Variants in ACOT7 observed in about 807,000 individuals in gnomAD.
The protein encoded by ACOT7 is acyl-CoA thioesterase 7, also known as cytosolic acyl coenzyme A thioester hydrolase.
Under a neutral mutation model 40.2 loss-of-function variants are expected in ACOT7, and 12 were observed. The observed-to-expected ratio is 0.30, with a 90% CI of 0.19 to 0.48. ACOT7 has a LOEUF of 0.48. ACOT7 is among the 20% of genes least tolerant of loss of function. The pLI is 0.99. For synonymous variants in ACOT7, 228 were observed against 219.5 expected (o/e 1.04, Z -0.34); for missense variants, 395 against 530.8 (o/e 0.74, Z 2.51).
intron 8 of ACOT7, among the ~76,000 whole-genome samples, chr1:6,268,366 C>T (rs1638915267): frequency 6.6e-6 from 1 of 152,198 alleles, no homozygotes; most frequent in African/African-American, 2.4e-5. Context: ...TCTTTCTTCT[C>T]TTTACTTTTG....
intron 6 of ACOT7, among the ~76,000 whole-genome samples, chr1:6,317,878 C>G (rs1187787773): frequency 6.6e-6 from 1 of 151,784 alleles, no homozygotes; most frequent in Non-Finnish European, 1.5e-5. Context: ...ACTACAGGCG[C>G]CTGCCACCAC....
rs74435315 is a variant in ACOT7, at chr1:6,275,351, C to G, written c.1014+5751G>C. Reference sequence around the variant, plus strand: ...TCTTCTAGGTCGGGGCACGTCAGAGCGGACAAAGCTCAACAGGGTGCGTTT... The same window carrying G: ...TCTTCTAGGTCGGGGCACGTCAGAGGGGACAAAGCTCAACAGGGTGCGTTT... On this transcript the variant is annotated intron_variant, in intron 8 of 8. Transcript: ENST00000361521. The surrounding 1 kb of genome is among the most constrained non-coding windows in gnomAD (Gnocchi z 5.6). Among the ~76,000 whole-genome samples, 1 of 152,190 alleles carries G rather than the reference C, an allele frequency of 6.6e-6. No homozygotes were observed. The highest frequency in any genetic ancestry group is 2.4e-5 in the African/African-American group (1 of 41,448).
chr1:6,290,240 T>C (rs1304788906), intron 7 of ACOT7, among the ~76,000 whole-genome samples: 1 of 152,214 alleles, frequency 6.6e-6, no homozygotes, highest in Non-Finnish European at 1.5e-5. Context: ...CTTAGACTTC[T>C]GACCTCCAAA....
At chr1:6,334,352 G>A (rs543358325) in intron 3 of ACOT7, among the ~76,000 whole-genome samples, 45 of 152,346 alleles carry the variant, frequency 3.0e-4, no homozygotes, top group Admixed American at 2.4e-3. Flanking sequence ...CCCGCCAAAC[G>A]GGGAAGCCCA....
intron 6 of ACOT7, 162 bp from the exon 7 acceptor site, chr1:6,295,142 A>C: frequency 8.2e-5 from 39 of 477,954 alleles, no homozygotes; most frequent in East Asian, 2.2e-4. Flanking sequence ...GCTGTGGCTC[A>C]CGCGCTACAT....
At chr1:6,305,444 C>T (rs1261381028) in intron 6 of ACOT7, among the ~76,000 whole-genome samples, 20 of 151,638 alleles carry the variant, frequency 1.3e-4, no homozygotes, top group African/African-American at 4.1e-4. Flanking sequence ...GGGTGGCTGC[C>T]GGGTGGAGAC....
Position 6,289,257 on chromosome 1 carries a change from G to A in ACOT7, c.829+5607C>T, listed in dbSNP as rs534626844. 1.8e-4 allele frequency among the ~76,000 whole-genome samples: 27 copies of A among 152,086 alleles called. No individual in the cohort carries two copies. The highest frequency in any genetic ancestry group is 6.5e-4 in the African/African-American group (27 of 41,478). On this transcript the variant is annotated intron_variant, in intron 7 of 8. Coordinates refer to ENST00000361521, the MANE Select transcript of ACOT7 (RefSeq NM_007274.4). This position sits in a 1 kb window ranked among gnomAD's most constrained non-coding sequence, Gnocchi z 4.6. Reference sequence around the variant, plus strand: ...TGGGATTACAGGCGCCTGCCCCCACGCCCGGCTAATTTTTGTATTTTTAGT... The same window carrying A: ...TGGGATTACAGGCGCCTGCCCCCACACCCGGCTAATTTTTGTATTTTTAGT...
intron 6 of ACOT7, among the ~76,000 whole-genome samples, chr1:6,298,998 C>T (rs775623537): frequency 6.6e-6 from 1 of 152,218 alleles, no homozygotes; most frequent in Non-Finnish European, 1.5e-5. Flanking sequence ...AGGCCTGGTG[C>T]GAATCCCCCT....
At chr1:6,393,186 C>T in intron 1 of ACOT7, 71 bp downstream of exon 1, 1 of 1,212,392 alleles carries the variant, frequency 8.2e-7, no homozygotes, top group Non-Finnish European at 1.0e-6. Flanking sequence ...ACCACAGAGC[C>T]AAGCGGGGCA....
intron 2 of ACOT7, among the ~76,000 whole-genome samples, chr1:6,344,518 C>A (rs1333589649): frequency 6.6e-6 from 1 of 152,146 alleles, no homozygotes; most frequent in Non-Finnish European, 1.5e-5. Flanking sequence ...GTAATCCCAG[C>A]ACTTTAGGAG....
intron 8 of ACOT7, among the ~76,000 whole-genome samples, chr1:6,276,073 A>G (rs846102): frequency 0.99 from 150,575 of 152,226 alleles, 74,481 homozygotes; most frequent in Middle Eastern, 1. Context: ...CAGGGGCCTC[A>G]GCGAGCCCCT....
chr1:6,373,875 A>AAG (rs1353683577), intron 1 of ACOT7, among the ~76,000 whole-genome samples: 1 of 152,000 alleles, frequency 6.6e-6, no homozygotes, highest in East Asian at 1.9e-4. Flanking sequence ...TAAAAAAAAA[A>AAG]AAAAAAATGC....
Position 6,311,896 on chromosome 1 carries a change from G to A in ACOT7, c.712+6596C>T, listed in dbSNP as rs1347744412. 3.3e-5 allele frequency among the ~76,000 whole-genome samples: 5 copies of A among 151,938 alleles called. No individual in the cohort carries two copies. Among genetic ancestry groups the A allele is most frequent in the Non-Finnish European group, 2.9e-5 (2 of 67,980 alleles). On this transcript the variant is annotated intron_variant, in intron 6 of 8. Transcript: ENST00000361521. The surrounding 1 kb of genome is among the most constrained non-coding windows in gnomAD (Gnocchi z 5.2). ...ACAGCTCCTGGACACCCCTCACCCC[G>A]ACTCCCAGGGTCTGGGTCACCTGTC...
intron 5 of ACOT7, among the ~76,000 whole-genome samples, chr1:6,320,572 G>A (rs183204996): frequency 1.1e-4 from 17 of 152,264 alleles, no homozygotes; most frequent in Admixed American, 4.6e-4. Flanking sequence ...GGACAGAGTC[G>A]GGGGAGGCTC....
intron 1 of ACOT7, among the ~76,000 whole-genome samples, chr1:6,379,699 C>G (rs1642299906): frequency 6.6e-6 from 1 of 151,618 alleles, no homozygotes; most frequent in Admixed American, 6.6e-5. Context: ...TGAGCTCAAG[C>G]AGTCTTCCCA....
intron 2 of ACOT7, among the ~76,000 whole-genome samples, chr1:6,345,719 A>T (rs1641401671): frequency 6.6e-6 from 1 of 152,166 alleles, no homozygotes; most frequent in Admixed American, 6.5e-5. Context: ...AGCTCTGAGG[A>T]TGCAGCTGTC....
At chr1:6,296,666 G>A (rs1361035397) in intron 6 of ACOT7, among the ~76,000 whole-genome samples, 1 of 151,880 alleles carries the variant, frequency 6.6e-6, no homozygotes, top group Non-Finnish European at 1.5e-5. Context: ...CTCATGATCC[G>A]CCCACTTCAG....
chr1:6,383,208 G>A (rs1642380325), intron 1 of ACOT7, among the ~76,000 whole-genome samples: 1 of 135,622 alleles, frequency 7.4e-6, no homozygotes, highest in Admixed American at 7.5e-5. Context: ...TTTTTTTTGA[G>A]ACGGAGTCTT....
intron 1 of ACOT7, among the ~76,000 whole-genome samples, chr1:6,353,611 GT>G (rs1223538007): frequency 2.6e-5 from 4 of 152,258 alleles, no homozygotes; most frequent in African/African-American, 9.6e-5. Flanking sequence ...TCCAGCCTGG[GT>G]GACAGAGTGA....
Sources: allele counts gnomAD v4.1 joint callset (sites outside exome capture counted in the v4.1 genomes callset), GRCh38; gene constraint gnomAD v4.1.1; non-coding constraint Gnocchi (gnomAD v3.1); transcripts MANE v1.5; gene names NCBI Gene and HGNC (gene_info 2026-07-23, HGNC 2026-07-21).